The following TUSC3 variants were observed in gnomAD, a reference collection of about 807,000 sequenced individuals.
TUSC3 encodes dolichyl-diphosphooligosaccharide--protein glycosyltransferase subunit TUSC3.
TUSC3 carries 45 observed loss-of-function variants against 44.8 expected under a neutral mutation model. The observed-to-expected ratio is 1.00, with a 90% CI of 0.79 to 1.29. The LOEUF is 1.29. TUSC3 is among the 50% of genes most tolerant of loss of function. The pLI, the probability that TUSC3 is intolerant of heterozygous loss-of-function variation, is 0.00. For missense variants in TUSC3, 519 were observed against 437.9 expected (o/e 1.19, Z -1.65); for synonymous variants, 212 against 152.9 (o/e 1.39, Z -2.85).
chr8:15,706,903 A>G, intron 6 of TUSC3, among the ~76,000 whole-genome samples: 1 of 152,090 alleles, frequency 6.6e-6, no homozygotes, highest in East Asian at 1.9e-4. Flanking sequence ...GTAGGGCGCA[A>G]GAAGTTCATT....
the TUSC3 span, among the ~76,000 whole-genome samples, chr8:15,839,431 A>C: frequency 2.1e-4 from 32 of 152,232 alleles, 2 homozygotes; most frequent in South Asian, 6.2e-3. Context: ...TCCCTGAGTG[A>C]ACAGGCAACC....
intron 7 of TUSC3, among the ~76,000 whole-genome samples, chr8:15,732,336 T>C (rs1050591449): frequency 6.6e-6 from 1 of 152,140 alleles, no homozygotes. Context: ...TGAGTAAGTC[T>C]CATGAGATCT....
chr8:15,792,254 G>T, the TUSC3 span, among the ~76,000 whole-genome samples: 4 of 152,146 alleles, frequency 2.6e-5, no homozygotes, highest in African/African-American at 9.7e-5. Flanking sequence ...GAAATAGGTT[G>T]GCTCTCATAT....
At chr8:15,676,341 A>T in intron 6 of TUSC3, among the ~76,000 whole-genome samples, 1 of 151,986 alleles carries the variant, frequency 6.6e-6, no homozygotes, top group East Asian at 1.9e-4. Flanking sequence ...CTGATTGTTG[A>T]TTTAAGTTGC....
intron 6 of TUSC3, among the ~76,000 whole-genome samples, chr8:15,700,398 T>C (rs1001317361): frequency 3.9e-5 from 6 of 152,140 alleles, no homozygotes; most frequent in Non-Finnish European, 8.8e-5. Context: ...TGATAGAATA[T>C]GAGACTAGCT....
At chr8:15,628,284 C>G (rs1004988186) in intron 2 of TUSC3, among the ~76,000 whole-genome samples, 6 of 152,032 alleles carry the variant, frequency 3.9e-5, no homozygotes, top group African/African-American at 1.2e-4. Flanking sequence ...ATTATATGTA[C>G]TGTAATAACA....
intron 2 of TUSC3, among the ~76,000 whole-genome samples, chr8:15,515,910 C>G (rs1801210537): frequency 6.6e-6 from 1 of 151,994 alleles, no homozygotes; most frequent in Admixed American, 6.6e-5. Context: ...ACCTTGTGAT[C>G]CACCTTCCTT....
At chr8:15,744,133 G>T (rs538912454) in intron 8 of TUSC3, among the ~76,000 whole-genome samples, 11 of 152,174 alleles carry the variant, frequency 7.2e-5, no homozygotes, top group African/African-American at 2.4e-4. Context: ...ATCTTTTCCA[G>T]GGTCTTTGCC....
At chr8:15,524,577 T>G (rs1044147967) in intron 2 of TUSC3, among the ~76,000 whole-genome samples, 1 of 152,228 alleles carries the variant, frequency 6.6e-6, no homozygotes, top group African/African-American at 2.4e-5. Flanking sequence ...TATTTGAGAT[T>G]TAAAGTCTCA....
chr8:15,834,920 C>A, the TUSC3 span, among the ~76,000 whole-genome samples: 1,473 of 152,238 alleles, frequency 9.7e-3, 31 homozygotes, highest in African/African-American at 0.034. Context: ...TTCATGTGCA[C>A]AGGTTCCCCA....
chr8:15,685,278 C>T (rs1028817729), intron 6 of TUSC3, among the ~76,000 whole-genome samples: 1 of 152,076 alleles, frequency 6.6e-6, no homozygotes, highest in African/African-American at 2.4e-5. Context: ...ACCGCTTCCT[C>T]AGGTCTGGTT....
At chr8:15,796,685 C>T in the TUSC3 span, among the ~76,000 whole-genome samples, 2 of 152,052 alleles carry the variant, frequency 1.3e-5, no homozygotes, top group Non-Finnish European at 1.5e-5. Context: ...CCTCAGGTGA[C>T]AGAAAGGGAG....
At chr8:15,737,510 G>A (rs532279520) in intron 7 of TUSC3, among the ~76,000 whole-genome samples, 2 of 152,150 alleles carry the variant, frequency 1.3e-5, no homozygotes, top group Non-Finnish European at 2.9e-5. Context: ...AACAGGATCA[G>A]CAAAGAAACT....
chr8:15,472,280 T>C (rs1406037707), intron 1 of TUSC3, among the ~76,000 whole-genome samples: 1 of 152,194 alleles, frequency 6.6e-6, no homozygotes, highest in African/African-American at 2.4e-5. Context: ...TTCTGTAATT[T>C]AAAAGCCTGA....
At chr8:15,786,118 A>G in the TUSC3 span, among the ~76,000 whole-genome samples, 1 of 152,188 alleles carries the variant, frequency 6.6e-6, no homozygotes, top group African/African-American at 2.4e-5. Flanking sequence ...TTTAAATGTA[A>G]AAGATTTTTA....
intron 2 of TUSC3, among the ~76,000 whole-genome samples, chr8:15,639,098 GTGA>G (rs1160626752): frequency 2.0e-5 from 3 of 150,360 alleles, no homozygotes; most frequent in South Asian, 2.1e-4. Flanking sequence ...CAGGGCTTCA[GTGA>G]TGATGATCAT....
intron 1 of TUSC3, among the ~76,000 whole-genome samples, chr8:15,444,884 G>T (rs1800071763): frequency 6.6e-6 from 1 of 152,172 alleles, no homozygotes; most frequent in Non-Finnish European, 1.5e-5. Flanking sequence ...TGGGAGAAAT[G>T]TCAAAGTCCC....
At chr8:15,605,720 C>T (rs975503023) in intron 1 of TUSC3, among the ~76,000 whole-genome samples, 2 of 151,866 alleles carry the variant, frequency 1.3e-5, no homozygotes, top group African/African-American at 4.8e-5. Flanking sequence ...ATAAAAAGGT[C>T]AAAACTTGTT....
intron 1 of TUSC3, among the ~76,000 whole-genome samples, chr8:15,575,547 A>G (rs1019924307): frequency 1.3e-5 from 2 of 152,114 alleles, no homozygotes; most frequent in Admixed American, 6.6e-5. Flanking sequence ...TAGGCAGATC[A>G]CCTGAGGTCA....
Sources: allele counts gnomAD v4.1 joint callset (sites outside exome capture counted in the v4.1 genomes callset), GRCh38; gene constraint gnomAD v4.1.1; transcripts MANE v1.5; gene names NCBI Gene and HGNC (gene_info 2026-07-23, HGNC 2026-07-21).